The following NFATC3 variants were observed in gnomAD, a reference collection of about 807,000 sequenced individuals.
NFATC3 encodes nuclear factor of activated T cells 3.
A neutral mutation model predicts 98.6 loss-of-function variants in NFATC3; 46 were observed. That is an observed-to-expected ratio of 0.47 (90% CI 0.37 to 0.60). The LOEUF is 0.60. Ranked by LOEUF, NFATC3 falls within the 20% of genes least tolerant of loss-of-function variation. The pLI is 0.00. For synonymous variants in NFATC3, 512 were observed against 472.2 expected, an observed-to-expected ratio of 1.08 and a Z score of -1.09; for missense variants, 1,256 against 1,295.5, an observed-to-expected ratio of 0.97 and a Z score of 0.47.
intron 9 of NFATC3, chr16:68,217,935 C>A (rs917804064): frequency 8.2e-7 from 1 of 1,224,432 alleles, no homozygotes; most frequent in African/African-American, 1.6e-5. Flanking sequence ...ACTAACTAAA[C>A]CTCGATTACT....
intron 3 of NFATC3, among the ~76,000 whole-genome samples, chr16:68,146,816 A>G (rs1279072472): frequency 6.6e-6 from 1 of 152,254 alleles, no homozygotes; most frequent in South Asian, 2.1e-4. Context: ...AACTTGGCTT[A>G]CTTTCTTCTG....
At chr16:68,192,023 A>G in intron 9 of NFATC3, 5 of 427,124 alleles carry the variant, frequency 1.2e-5, no homozygotes, top group South Asian at 2.4e-5. Context: ...CCTGGCCAAC[A>G]TGGTGTAACG....
intron 9 of NFATC3, among the ~76,000 whole-genome samples, chr16:68,192,450 G>T (rs1354842844): frequency 6.6e-6 from 1 of 151,322 alleles, no homozygotes; most frequent in Non-Finnish European, 1.5e-5. Context: ...AGAATATATA[G>T]TGAGATCACA....
chr16:68,116,817 T>C (rs76698013), intron 1 of NFATC3, among the ~76,000 whole-genome samples: 3 of 151,988 alleles, frequency 2.0e-5, no homozygotes, highest in African/African-American at 4.8e-5. Flanking sequence ...TTTTTTTTTT[T>C]CTCAAAGGGT....
At chr16:68,157,226 T>TTCTCTCCC (rs912111693) in intron 3 of NFATC3, among the ~76,000 whole-genome samples, 16 of 151,996 alleles carry the variant, frequency 1.1e-4, no homozygotes, top group African/African-American at 3.9e-4. Flanking sequence ...CTCCTTCTCC[T>TTCTCTCCC]TCTCTCCCTC....
At chr16:68,214,947 G>A (rs1567553811) in intron 9 of NFATC3, among the ~76,000 whole-genome samples, 1 of 152,176 alleles carries the variant, frequency 6.6e-6, no homozygotes, top group Non-Finnish European at 1.5e-5. Context: ...TAGAGCCAGT[G>A]TCTGTGTCTA....
chr16:68,163,956 G>A (rs567676241), intron 4 of NFATC3, among the ~76,000 whole-genome samples: 1 of 151,438 alleles, frequency 6.6e-6, no homozygotes, highest in African/African-American at 2.4e-5. Context: ...CGTCCCAGAC[G>A]ATGGGCGGCC....
At chr16:68,226,254 T>C (rs2042034412) in intron 9 of NFATC3, 96 bp from the exon 10 acceptor site, 1 of 1,410,614 alleles carries the variant, frequency 7.1e-7, no homozygotes, top group Middle Eastern at 1.9e-4. Flanking sequence ...CAGAAAGCCA[T>C]GGGAAGGGAA....
intron 9 of NFATC3, chr16:68,200,295 AAGACT>A (rs1192635167): frequency 6.6e-6 from 1 of 151,996 alleles, no homozygotes; most frequent in Non-Finnish European, 1.5e-5. Context: ...CCCTGTTGAA[AAGACT>A]TTATCAGTAT....
intron 9 of NFATC3, among the ~76,000 whole-genome samples, chr16:68,215,877 T>C (rs566486558): frequency 1.1e-4 from 17 of 151,986 alleles, no homozygotes; most frequent in Admixed American, 9.2e-4. Context: ...ACAAGGCGCC[T>C]GCCACCACGC....
rs567107119 is a variant in NFATC3 at position 68,150,750 on chromosome 16, G to C, written c.1402-7119G>C. 1.8e-4 allele frequency among the ~76,000 whole-genome samples: 28 copies of C among 152,246 alleles called. No individual in the cohort carries two copies. In the South Asian group the frequency reaches 2.1e-3, roughly 11 times the overall value. ...GAATTGTAATCCCCATAATTCCCAC[G>C]TGTGAAGGGAGAGGCCAGATGGGGG... On this transcript the variant is annotated intron_variant, in intron 3 of 9. Transcript: ENST00000346183.
In NFATC3 at chr16:68,085,504, G is replaced by A; in HGVS notation, c.-178G>A. The A allele has an allele frequency of 1.9e-6, 1 of 525,380 alleles. No homozygotes were observed. The highest frequency in any genetic ancestry group is 3.2e-6 in the Non-Finnish European group (1 of 310,312). The allele number at this position is 525,380 out of a possible 1,614,324, so 32.5% of individuals were successfully genotyped here. On this transcript the variant is annotated 5_prime_UTR_variant, in exon 1 of 10. Transcript: ENST00000346183. ...GGTTCCTGGTGCTGCTCGGCGCGCG[G>A]CCAGCTTTCGGAACGGAACGCTCGG... is the stretch of plus-strand genomic sequence containing the variant.
At chr16:68,142,559 A>G (rs1598434389) in intron 3 of NFATC3, among the ~76,000 whole-genome samples, 1 of 152,020 alleles carries the variant, frequency 6.6e-6, no homozygotes, top group Non-Finnish European at 1.5e-5. Context: ...GGAGTTAGAG[A>G]CCAGCCTGGC....
intron 3 of NFATC3, among the ~76,000 whole-genome samples, chr16:68,147,029 A>G (rs1478075485): frequency 6.6e-6 from 1 of 152,232 alleles, no homozygotes; most frequent in Non-Finnish European, 1.5e-5. Context: ...TTCTTATGGT[A>G]TTATACATCT....
chr16:68,179,174 A>G (rs1245917458), intron 6 of NFATC3, among the ~76,000 whole-genome samples: 1 of 152,210 alleles, frequency 6.6e-6, no homozygotes, highest in East Asian at 1.9e-4. Flanking sequence ...GAGCTCTTCC[A>G]GGAAGCCTTC....
intron 1 of NFATC3, among the ~76,000 whole-genome samples, chr16:68,116,254 T>C (rs916321492): frequency 1.3e-5 from 2 of 152,006 alleles, no homozygotes; most frequent in African/African-American, 4.8e-5. Flanking sequence ...AAAGACAAAC[T>C]ATTATCTGTA....
At chr16:68,204,993 C>CTT (rs993093946) in intron 9 of NFATC3, among the ~76,000 whole-genome samples, 4 of 121,234 alleles carry the variant, frequency 3.3e-5, no homozygotes, top group Non-Finnish European at 5.3e-5. Context: ...ATGCCTGGCT[C>CTT]TTTTTTTTTT....
chr16:68,213,483 C>T (rs770250322), intron 9 of NFATC3, among the ~76,000 whole-genome samples: 1 of 150,788 alleles, frequency 6.6e-6, no homozygotes, highest in Non-Finnish European at 1.5e-5. Flanking sequence ...CTAGTTTCAA[C>T]TTGCTGAATT....
chr16:68,167,807 G>GTT (rs1263970399), intron 5 of NFATC3, among the ~76,000 whole-genome samples: 31 of 23,626 alleles, frequency 1.3e-3, no homozygotes, highest in South Asian at 2.9e-3. Context: ...AACCGTATGT[G>GTT]TTCTTTTTTT....
Sources: gnomAD v4.1 joint callset for allele counts (sites outside exome capture counted in the v4.1 genomes callset) on GRCh38, gnomAD v4.1.1 for gene constraint, MANE v1.5 for transcripts, NCBI Gene and HGNC (gene_info 2026-07-23, HGNC 2026-07-21) for gene names.